USP34: variants seen among roughly 807,000 people sequenced by gnomAD.
The protein encoded by USP34 is ubiquitin carboxyl-terminal hydrolase 34.
In USP34, 70 loss-of-function variants were observed where a neutral mutation model predicts 460.3. The observed-to-expected ratio is 0.15, with a 90% CI of 0.13 to 0.19. USP34 has a LOEUF of 0.19. USP34 is among the 10% of genes least tolerant of loss of function. USP34 has a pLI of 1.00. For missense variants in USP34, 3,985 were observed against 4,236.2 expected (o/e 0.94, Z 1.65); for synonymous variants, 1,647 against 1,405.3 (o/e 1.17, Z -3.85).
intron 20 of USP34, among the ~76,000 whole-genome samples, chr2:61,328,311 A>AT (rs1280890329): frequency 5.3e-5 from 8 of 151,986 alleles, no homozygotes; most frequent in Admixed American, 6.5e-5. Context: ...AAAAAAAAAA[A>AT]AATAAAGTGA....
At chr2:61,311,746 A>C (rs1400921510) in intron 26 of USP34, 38 bp downstream of exon 26, 1 of 1,610,250 alleles carries the variant, frequency 6.2e-7, no homozygotes, top group African/African-American at 1.3e-5. Flanking sequence ...TTGACCTGGG[A>C]AATGTTATCA....
intron 18 of USP34, among the ~76,000 whole-genome samples, chr2:61,337,217 T>G (rs1335120879): frequency 6.6e-6 from 1 of 152,110 alleles, no homozygotes; most frequent in Non-Finnish European, 1.5e-5. Context: ...ATACAAGAAC[T>G]CACCTGTTTT....
intron 1 of USP34, among the ~76,000 whole-genome samples, chr2:61,437,278 C>T (rs1487955340): frequency 6.6e-6 from 1 of 151,978 alleles, no homozygotes; most frequent in African/African-American, 2.4e-5. Flanking sequence ...AATCAACAAA[C>T]CTTTAGCTAG....
intron 8 of USP34, among the ~76,000 whole-genome samples, chr2:61,371,685 G>A (rs1310694475): frequency 1.3e-5 from 2 of 152,272 alleles, no homozygotes; most frequent in South Asian, 4.2e-4. Flanking sequence ...AAAGTCTACA[G>A]TAGTGTAGAG....
intron 41 of USP34, chr2:61,277,923 T>G (rs1380569350): frequency 6.8e-6 from 3 of 440,774 alleles, no homozygotes; most frequent in Non-Finnish European, 1.2e-5. Context: ...CATTCTTTTT[T>G]TGCCTGCCGC....
chr2:61,348,553 CTG>C, intron 14 of USP34, 73 bp from the exon 15 acceptor site: 4 of 1,524,302 alleles, frequency 2.6e-6, no homozygotes, highest in Non-Finnish European at 3.5e-6. Context: ...CATTAATAAA[CTG>C]TACTTTTTAA....
At chr2:61,427,556 T>C (rs905206141) in intron 1 of USP34, among the ~76,000 whole-genome samples, 4 of 152,154 alleles carry the variant, frequency 2.6e-5, no homozygotes, top group East Asian at 1.9e-4. Flanking sequence ...GAATTCAAAA[T>C]AGCCGTGTTG....
At chr2:61,449,488 C>T (rs1206225127) in intron 1 of USP34, among the ~76,000 whole-genome samples, 2 of 148,472 alleles carry the variant, frequency 1.3e-5, no homozygotes, top group Non-Finnish European at 3.0e-5. Context: ...TCAAGGGACC[C>T]TGAAGAGCCA....
chr2:61,374,401 T>G (rs541807440), intron 8 of USP34, among the ~76,000 whole-genome samples: 51 of 152,262 alleles, frequency 3.3e-4, no homozygotes, highest in Middle Eastern at 3.4e-3. Context: ...ACTCATCCAT[T>G]TGCTGCATTT....
intron 6 of USP34, 25 bp from the exon 7 acceptor site, chr2:61,380,386 T>C (rs746049977): frequency 7.6e-6 from 12 of 1,579,392 alleles, no homozygotes; most frequent in Middle Eastern, 1.7e-4. Flanking sequence ...AAATAGAAAA[T>C]ACACAAAAAT....
intron 23 of USP34, among the ~76,000 whole-genome samples, chr2:61,316,546 C>A (rs756488132): frequency 6.6e-6 from 1 of 151,840 alleles, no homozygotes; most frequent in African/African-American, 2.4e-5. Flanking sequence ...GACTGTGCCA[C>A]TGCACTCCAG....
chr2:61,286,606 G>T (rs1405400562), intron 34 of USP34, among the ~76,000 whole-genome samples: 1 of 152,112 alleles, frequency 6.6e-6, no homozygotes, highest in Non-Finnish European at 1.5e-5. Context: ...AGTGAGCCGA[G>T]ATGGCGCCAG....
chr2:61,387,415 A>T (rs776770868), intron 5 of USP34, among the ~76,000 whole-genome samples: 3 of 151,912 alleles, frequency 2.0e-5, no homozygotes, highest in Admixed American at 6.6e-5. Context: ...CAGTGAGCCA[A>T]GATCGCACCA....
chr2:61,379,561 G>C (rs995196042), intron 7 of USP34, among the ~76,000 whole-genome samples: 2 of 152,078 alleles, frequency 1.3e-5, no homozygotes, highest in Non-Finnish European at 2.9e-5. Context: ...AAATGTAAAG[G>C]AGTAAAGCAA....
At position 61,328,157 on chromosome 2, in the gene USP34, C is replaced by A. The variant is rs543030236; in HGVS notation, c.2931-2700G>T. Among the ~76,000 whole-genome samples, 39 of 151,880 alleles carry A rather than the reference C, an allele frequency of 2.6e-4. No homozygotes were observed. In the South Asian group the frequency reaches 8.1e-3, roughly 32 times the overall value. On this transcript the variant is annotated intron_variant, in intron 20 of 79. Transcript: ENST00000398571. ...GTCTCTACTAAAAAGCGAAAACGAG[C>A]CGGGTGCAGTGGCAGGCACCTGGAT...
At chr2:61,436,506 T>C (rs1316417950) in intron 1 of USP34, among the ~76,000 whole-genome samples, 1 of 152,088 alleles carries the variant, frequency 6.6e-6, no homozygotes, top group Non-Finnish European at 1.5e-5. Flanking sequence ...TAAGGGGATA[T>C]AAGAATTGTA....
Position 61,214,305 on chromosome 2 carries a change from G to C in USP34, c.8437C>G (p.Pro2813Ala). The C allele has an allele frequency of 6.2e-7, 1 of 1,614,216 alleles. No homozygotes were observed. Among genetic ancestry groups the C allele is most frequent in the Non-Finnish European group, 8.5e-7 (1 of 1,180,042 alleles). ...TGAACAATAAGGCGGATATTCTCTG[G>C]ACAGTCAGCACAGACATTGTACCAA... ...SFWYNVCADC[P>A]ENIRLIVQNP... Residue 2813 changes from proline to alanine, a missense_variant, in exon 68 of 80, where the codon CCA becomes GCA. This residue lies in a region of USP34 where 66 missense variants were observed against 121.2 expected (regional missense o/e 0.54). Transcript: ENST00000398571.
At chr2:61,427,401 CAATA>C (rs1694544165) in intron 1 of USP34, among the ~76,000 whole-genome samples, 1 of 152,178 alleles carries the variant, frequency 6.6e-6, no homozygotes, top group South Asian at 2.1e-4. Context: ...GTGAAGACTA[CAATA>C]AATACCTAAC....
intron 69 of USP34, among the ~76,000 whole-genome samples, chr2:61,209,668 C>A (rs1043687088): frequency 6.6e-6 from 1 of 152,164 alleles, no homozygotes; most frequent in Non-Finnish European, 1.5e-5. Flanking sequence ...GACTATGTTA[C>A]TGGTTTATGT....
Sources: allele counts gnomAD v4.1 joint callset (sites outside exome capture counted in the v4.1 genomes callset), GRCh38; gene constraint gnomAD v4.1.1; regional missense constraint gnomAD v4.1.1; transcripts MANE v1.5; gene names NCBI Gene and HGNC (gene_info 2026-07-23, HGNC 2026-07-21).